Variants in PIK3C2G observed in about 807,000 individuals in gnomAD.
The protein encoded by PIK3C2G is phosphatidylinositol 3-kinase C2 domain-containing subunit gamma.
In PIK3C2G, 168 loss-of-function variants were observed where a neutral mutation model predicts 181.1. The observed-to-expected ratio is 0.93, with a 90% CI of 0.82 to 1.05. The LOEUF is 1.05. Ranked by LOEUF, PIK3C2G falls within the 50% of genes least tolerant of loss-of-function variation. The probability of loss-of-function intolerance (pLI) is 0.00; values close to 1 mark genes in which losing one functional copy is unlikely to be tolerated. For missense variants in PIK3C2G, 1,869 were observed against 1,732.8 expected (o/e 1.08, Z -1.40); for synonymous variants, 573 against 592.2 (o/e 0.97, Z 0.47).
At chr12:18,301,865 A>G (rs968742813) in intron 5 of PIK3C2G, among the ~76,000 whole-genome samples, 1 of 152,270 alleles carries the variant, frequency 6.6e-6, no homozygotes, top group Non-Finnish European at 1.5e-5. Flanking sequence ...GCTTTCATAG[A>G]GGAAGACTTT....
chr12:18,273,006 C>G (rs1948808244), intron 1 of PIK3C2G, among the ~76,000 whole-genome samples: 1 of 150,786 alleles, frequency 6.6e-6, no homozygotes, highest in Admixed American at 6.6e-5. Context: ...ACACACACCC[C>G]CATCCATAGA....
At chr12:18,252,179 GT>G (rs953610486) in intron 1 of PIK3C2G, among the ~76,000 whole-genome samples, 1 of 152,098 alleles carries the variant, frequency 6.6e-6, no homozygotes, top group African/African-American at 2.4e-5. Flanking sequence ...AACAACTTAT[GT>G]ACAGGATATA....
rs138986340 is a variant in PIK3C2G at position 18,283,376 on chromosome 12, C to T, written c.678+617C>T. Among the ~76,000 whole-genome samples the T allele has an allele frequency of 1.9e-3, 285 of 152,184 alleles. 1 individual carries two copies. Among genetic ancestry groups the T allele is most frequent in the African/African-American group, 6.5e-3 (271 of 41,532 alleles). On this transcript the variant is annotated intron_variant, in intron 2 of 32. Transcript: ENST00000538779. ...GAAGATTTCTCTACTTATTTCTCTG[C>T]TTGAGTCTAGACAAAGTAAAATCAG...
At chr12:18,670,408 AG>A in the PIK3C2G span, among the ~76,000 whole-genome samples, 9 of 152,262 alleles carry the variant, frequency 5.9e-5, no homozygotes, top group South Asian at 1.9e-3. Flanking sequence ...TGTCTAGTTC[AG>A]CAACCTCCTT....
chr12:18,719,676 C>G, the PIK3C2G span: 5 of 1,373,346 alleles, frequency 3.6e-6, no homozygotes, highest in Non-Finnish European at 5.0e-6. Context: ...GCAAAAATAC[C>G]ATTAGCAAGA....
chr12:18,487,978 G>A (rs1409645193), intron 18 of PIK3C2G, among the ~76,000 whole-genome samples: 1 of 152,130 alleles, frequency 6.6e-6, no homozygotes, highest in Non-Finnish European at 1.5e-5. Flanking sequence ...TAGTCCAGGG[G>A]AGGTGCTCGG....
At chr12:18,304,326 G>T (rs182125242) in intron 5 of PIK3C2G, among the ~76,000 whole-genome samples, 1 of 151,970 alleles carries the variant, frequency 6.6e-6, no homozygotes, top group Non-Finnish European at 1.5e-5. Flanking sequence ...GCACAATCTC[G>T]TCTCACTGCA....
chr12:18,433,569 T>G (rs1411307483), intron 18 of PIK3C2G, among the ~76,000 whole-genome samples: 1 of 152,138 alleles, frequency 6.6e-6, no homozygotes, highest in East Asian at 1.9e-4. Context: ...GTGTGCTCTT[T>G]TAGTTTTACT....
the PIK3C2G span, chr12:18,693,841 G>C: frequency 1.3e-6 from 2 of 1,531,438 alleles, no homozygotes; most frequent in Non-Finnish European, 1.8e-6. Context: ...AGTTCCCCCT[G>C]CCTGATGAAA....
the PIK3C2G span, among the ~76,000 whole-genome samples, chr12:18,703,243 G>A: frequency 9.2e-5 from 14 of 152,126 alleles, no homozygotes; most frequent in Non-Finnish European, 1.3e-4. Flanking sequence ...CAAAAGAACC[G>A]TGGTCTTTCC....
At chr12:18,511,964 A>G (rs896967195) in intron 24 of PIK3C2G, among the ~76,000 whole-genome samples, 2 of 151,956 alleles carry the variant, frequency 1.3e-5, no homozygotes, top group African/African-American at 4.8e-5. Context: ...ATATTTAAGT[A>G]ATTTCTCCAT....
chr12:18,494,333 T>C (rs1037850383), intron 20 of PIK3C2G, among the ~76,000 whole-genome samples: 1 of 152,198 alleles, frequency 6.6e-6, no homozygotes, highest in African/African-American at 2.4e-5. Context: ...TTTCTTAAAA[T>C]GTGGCTTCAT....
chr12:18,651,931 C>T (rs1002195434), downstream of PIK3C2G, among the ~76,000 whole-genome samples: 5 of 152,144 alleles, frequency 3.3e-5, no homozygotes, highest in African/African-American at 1.2e-4. Flanking sequence ...TCCATCATAA[C>T]TCAGCAGGGA....
chr12:18,694,218 C>A, the PIK3C2G span: 1 of 620,448 alleles, frequency 1.6e-6, no homozygotes. Context: ...AGCAAAACAT[C>A]CTGTGTCTTT....
chr12:18,345,696 T>G (rs1592014710), intron 10 of PIK3C2G, among the ~76,000 whole-genome samples: 1 of 152,160 alleles, frequency 6.6e-6, no homozygotes, highest in Non-Finnish European at 1.5e-5. Flanking sequence ...ACTTATAAAG[T>G]GTTTATTTCT....
chr12:18,312,303 G>A (rs9300118), intron 5 of PIK3C2G, among the ~76,000 whole-genome samples: 79,506 of 151,952 alleles, frequency 0.52, 21,236 homozygotes, highest in East Asian at 0.74. Context: ...AAATAAAGAA[G>A]GTCAGTTTAA....
chr12:18,647,398 C>T (rs1289165605), intron 32 of PIK3C2G, among the ~76,000 whole-genome samples: 1 of 151,228 alleles, frequency 6.6e-6, no homozygotes, highest in East Asian at 1.9e-4. Context: ...ACCACAGCAT[C>T]ATGCAATATA....
chr12:18,581,263 A>C (rs527818398), intron 29 of PIK3C2G, among the ~76,000 whole-genome samples: 2 of 152,348 alleles, frequency 1.3e-5, no homozygotes, highest in African/African-American at 4.8e-5. Context: ...GTTAAATTTA[A>C]AAGCACATTA....
chr12:18,281,425 A>C (rs1402684434), intron 1 of PIK3C2G, among the ~76,000 whole-genome samples: 1 of 152,054 alleles, frequency 6.6e-6, no homozygotes, highest in African/African-American at 2.4e-5. Flanking sequence ...AAGGATGGAA[A>C]ACTGTCTTTT....
Sources: gnomAD v4.1 joint callset for allele counts (sites outside exome capture counted in the v4.1 genomes callset) on GRCh38, gnomAD v4.1.1 for gene constraint, MANE v1.5 for transcripts, NCBI Gene and HGNC (gene_info 2026-07-23, HGNC 2026-07-21) for gene names.